The following AIG1 variants were observed in gnomAD, a reference collection of about 807,000 sequenced individuals.
AIG1 encodes androgen-induced gene 1 protein.
A neutral mutation model predicts 31.4 loss-of-function variants in AIG1; 23 were observed. The observed-to-expected ratio is 0.73, with a 90% confidence interval of 0.53 to 1.04. AIG1 has a LOEUF of 1.04. AIG1 is among the 50% of genes least tolerant of loss of function. AIG1 has a pLI of 0.00. For synonymous variants in AIG1, 100 were observed against 110.5 expected (o/e 0.90, Z 0.60); for missense variants, 274 against 295.0 (o/e 0.93, Z 0.52).
At position 143,319,875 on chromosome 6, in the gene AIG1, C is replaced by T. The variant is rs570752992; in HGVS notation, c.516-13407C>T. ...CAAAAGCAATAATAGAGAAATGAGA[C>T]GGCATCATATTAAAAAGCTTCTGCA... On this transcript the variant is annotated intron_variant, in intron 4 of 5. Transcript: ENST00000357847. Among the ~76,000 whole-genome samples, 220 of 152,000 alleles carry T rather than the reference C, an allele frequency of 1.4e-3. 1 individual carries two copies. The highest frequency in any genetic ancestry group is 2.1e-3 in the Non-Finnish European group (143 of 67,958).
At chr6:143,104,512 A>G (rs1029543760) in intron 1 of AIG1, among the ~76,000 whole-genome samples, 1 of 152,160 alleles carries the variant, frequency 6.6e-6, no homozygotes, top group Non-Finnish European at 1.5e-5. Context: ...TGAGTATGTG[A>G]CATTTGTTCA....
chr6:143,180,382 C>T (rs1788611229), intron 3 of AIG1, among the ~76,000 whole-genome samples: 1 of 152,164 alleles, frequency 6.6e-6, no homozygotes, highest in Non-Finnish European at 1.5e-5. Flanking sequence ...GCATAGTCCC[C>T]AAAGGGCCAT....
intron 3 of AIG1, among the ~76,000 whole-genome samples, chr6:143,217,775 C>T (rs111350466): frequency 1.0e-3 from 153 of 152,320 alleles, no homozygotes; most frequent in African/African-American, 3.4e-3. Flanking sequence ...TCCCAAAGTG[C>T]GGGGATTACA....
chr6:143,221,906 C>G lies in AIG1; in HGVS notation c.399+56723C>G, dbSNP rs561982698. Among the ~76,000 whole-genome samples, 3 of 152,220 alleles carry G rather than the reference C, an allele frequency of 2.0e-5. No homozygotes were observed. In the South Asian group the frequency reaches 6.2e-4, roughly 32 times the overall value. ...CACAGTGGAGCATGCAGTTTTCTGG[C>G]TTAAATCAACACACTGTACTACAGT... On this transcript the variant is annotated intron_variant, in intron 3 of 5. Transcript: ENST00000357847.
chr6:143,177,008 G>T (rs748932554), intron 3 of AIG1, among the ~76,000 whole-genome samples: 1 of 152,018 alleles, frequency 6.6e-6, no homozygotes, highest in African/African-American at 2.4e-5. Context: ...TTTTTCCCCC[G>T]CATTCTCCCT....
chr6:143,103,501 CTTTTTTTT>C (rs1173435325), intron 1 of AIG1, among the ~76,000 whole-genome samples: 50 of 84,212 alleles, frequency 5.9e-4, no homozygotes, highest in Non-Finnish European at 8.8e-4. Context: ...CAGAAGTTTT[CTTTTTTTT>C]TTTTTTTTTT....
intron 1 of AIG1, among the ~76,000 whole-genome samples, chr6:143,083,087 C>T (rs907757983): frequency 1.2e-4 from 19 of 152,220 alleles, no homozygotes; most frequent in Non-Finnish European, 7.4e-5. Flanking sequence ...AGGCTGGATA[C>T]GTTCCTCACT....
intron 4 of AIG1, among the ~76,000 whole-genome samples, chr6:143,310,046 T>C (rs1241839526): frequency 6.6e-6 from 1 of 151,972 alleles, no homozygotes; most frequent in Non-Finnish European, 1.5e-5. Flanking sequence ...ACTATTATAA[T>C]TGGAGACTTC....
intron 1 of AIG1, among the ~76,000 whole-genome samples, chr6:143,127,362 G>C (rs1490024081): frequency 2.0e-5 from 3 of 151,918 alleles, no homozygotes; most frequent in African/African-American, 7.3e-5. Context: ...TGTTTCTTCT[G>C]TCTGCTGTGC....
chr6:143,105,569 C>T (rs1780727182), intron 1 of AIG1, among the ~76,000 whole-genome samples: 1 of 152,206 alleles, frequency 6.6e-6, no homozygotes. Flanking sequence ...TCTCCCACAG[C>T]TCCAGAAAAA....
At chr6:143,205,618 A>G (rs879827124) in intron 3 of AIG1, among the ~76,000 whole-genome samples, 2 of 152,230 alleles carry the variant, frequency 1.3e-5, no homozygotes, top group African/African-American at 4.8e-5. Context: ...GTTTCAGGAT[A>G]GCTGAATTTG....
At chr6:143,092,855 G>T (rs544520048) in intron 1 of AIG1, among the ~76,000 whole-genome samples, 1 of 152,148 alleles carries the variant, frequency 6.6e-6, no homozygotes, top group Non-Finnish European at 1.5e-5. Context: ...ATTGAGACTA[G>T]CCTGGGCAAC....
chr6:143,235,560 T>C (rs575125642), intron 3 of AIG1, among the ~76,000 whole-genome samples: 1 of 152,300 alleles, frequency 6.6e-6, no homozygotes, highest in South Asian at 2.1e-4. Flanking sequence ...GCTAAATGCC[T>C]CCCTGGCATG....
At chr6:143,287,779 T>G (rs1035533717) in intron 4 of AIG1, among the ~76,000 whole-genome samples, 5 of 151,286 alleles carry the variant, frequency 3.3e-5, no homozygotes, top group South Asian at 2.1e-4. Flanking sequence ...TATTTGCTAT[T>G]TATCAGTCCT....
chr6:143,127,911 C>T (rs986272906), intron 1 of AIG1, among the ~76,000 whole-genome samples: 1 of 152,144 alleles, frequency 6.6e-6, no homozygotes, highest in African/African-American at 2.4e-5. Context: ...TGGTCTGGAA[C>T]TCCTGACCTC....
At chr6:143,178,867 C>T (rs186304304) in intron 3 of AIG1, among the ~76,000 whole-genome samples, 4 of 152,122 alleles carry the variant, frequency 2.6e-5, no homozygotes, top group African/African-American at 7.2e-5. Context: ...AGGATCACTC[C>T]GTTATGGCCC....
At chr6:143,281,593 G>A (rs1039579475) in intron 3 of AIG1, among the ~76,000 whole-genome samples, 5 of 152,116 alleles carry the variant, frequency 3.3e-5, no homozygotes, top group African/African-American at 4.8e-5. Context: ...TATTCATCAG[G>A]ACCATTCATA....
At chr6:143,277,028 G>C in intron 3 of AIG1, among the ~76,000 whole-genome samples, 1 of 152,152 alleles carries the variant, frequency 6.6e-6, no homozygotes. Flanking sequence ...TATTTGGGAA[G>C]CCTAGAAGCT....
chr6:143,162,437 G>T (rs1055409085), intron 2 of AIG1, among the ~76,000 whole-genome samples: 9 of 152,198 alleles, frequency 5.9e-5, no homozygotes, highest in African/African-American at 1.9e-4. Context: ...ACTTAAAGCA[G>T]TCATAACAAT....
Sources: gnomAD v4.1 joint callset for allele counts (sites outside exome capture counted in the v4.1 genomes callset) on GRCh38, gnomAD v4.1.1 for gene constraint, MANE v1.5 for transcripts, NCBI Gene and HGNC (gene_info 2026-07-23, HGNC 2026-07-21) for gene names.